The following PLXND1 variants were observed in gnomAD, a reference collection of about 807,000 sequenced individuals.
PLXND1 encodes plexin D1.
Under a neutral mutation model 197.7 loss-of-function variants are expected in PLXND1, and 54 were observed. That is an observed-to-expected ratio of 0.27 (90% CI 0.22 to 0.34). The LOEUF is 0.34. Among genes scored for constraint, PLXND1 ranks in the 10% least tolerant of loss-of-function variants. The pLI is 1.00. For synonymous variants in PLXND1, 1,180 were observed against 1,161.2 expected (o/e 1.02, Z -0.33); for missense variants, 2,127 against 2,699.2 (o/e 0.79, Z 4.70).
rs758414645 is a variant in PLXND1, at chr3:129,569,862, C to G, written c.3846G>C (p.Leu1282=). The change falls in exon 20 of 36, where the codon CTG becomes CTC. Residue 1282 remains leucine (L), a synonymous_variant. Coordinates refer to ENST00000324093, the MANE Select transcript of PLXND1 (RefSeq NM_015103.3). The part of the protein sequence containing the change: ...IIVSIVICSV[L]LLLSVVALFV... ...CCTTACCCACCACGGAGAGCAGCAG[C>G]AGGACGCTGCAGATGACGATGGACA... 3 of 1,605,152 alleles carry G rather than the reference C, an allele frequency of 1.9e-6. No individual in the cohort carries two copies. The highest frequency in any genetic ancestry group is 2.6e-6 in the Non-Finnish European group (3 of 1,171,966).
chr3:129,595,837 G>A (rs2085612273), intron 1 of PLXND1, among the ~76,000 whole-genome samples: 1 of 152,068 alleles, frequency 6.6e-6, no homozygotes, highest in East Asian at 1.9e-4. Flanking sequence ...CCCAGGCTTA[G>A]GTCACAAGCC....
chr3:129,560,595 G>T (rs1469309604), intron 30 of PLXND1, 94 bp downstream of exon 30: 1 of 1,071,682 alleles, frequency 9.3e-7, no homozygotes, highest in Non-Finnish European at 1.4e-6. Flanking sequence ...TCGCAGGGCT[G>T]GGAGCACTTT....
At chr3:129,571,383 TGAG>T (rs2085225480) in intron 17 of PLXND1, 80 bp from the exon 18 acceptor site, 11 of 1,554,444 alleles carry the variant, frequency 7.1e-6, no homozygotes, top group Non-Finnish European at 8.8e-6. Context: ...GAGTGGGGTT[TGAG>T]GAGACACAGA....
Position 129,563,052 on chromosome 3 carries a change from C to T in PLXND1, c.4668+42G>A, listed in dbSNP as rs368328960. Reference sequence around the variant, plus strand: ...AAGGCTGGGTCAATGCCGTTGGCGGCGACACAGCAGCCCTGGGACCCTCCC... The same window carrying T: ...AAGGCTGGGTCAATGCCGTTGGCGGTGACACAGCAGCCCTGGGACCCTCCC... On this transcript the variant is annotated intron_variant, in intron 26 of 35. Coordinates refer to ENST00000324093, the MANE Select transcript of PLXND1 (RefSeq NM_015103.3). The T allele has an allele frequency of 2.0e-4, 330 of 1,611,576 alleles. 1 individual carries two copies. The highest frequency in any genetic ancestry group is 1.6e-3 in the South Asian group (149 of 90,950).
At chr3:129,585,417 G>A (rs2085444952) in intron 5 of PLXND1, among the ~76,000 whole-genome samples, 2 of 152,244 alleles carry the variant, frequency 1.3e-5, no homozygotes, top group African/African-American at 4.8e-5. Flanking sequence ...GCCTGCCAGA[G>A]CCCTCCTGGC....
intron 20 of PLXND1, chr3:129,569,228 C>G (rs1446024119): frequency 6.8e-6 from 1 of 146,142 alleles, no homozygotes; most frequent in Non-Finnish European, 1.5e-5. Context: ...GTTTTGACTT[C>G]CTGGTTATTA....
At position 129,560,342 on chromosome 3, in the gene PLXND1, C is replaced by T. The variant is rs1432005315; in HGVS notation, c.5121G>A (p.Leu1707=). The T allele has an allele frequency of 6.2e-7, 1 of 1,609,138 alleles. No individual in the cohort carries two copies. Among genetic ancestry groups the T allele is most frequent in the South Asian group, 1.1e-5 (1 of 90,986 alleles). ...AGGCCGGACTCACCTTGGTGGAGAG[C>T]AGGCGGGTCAGGTAGATTTCCGGGA... ...KVLPEIYLTR[L]LSTKGTLQKF... is the part of the protein sequence containing the mutation. The change falls in exon 31 of 36, where the codon CTG becomes CTA. Residue 1707 remains leucine, a synonymous_variant. Coordinates refer to ENST00000324093, the MANE Select transcript of PLXND1 (RefSeq NM_015103.3).
In PLXND1 at chr3:129,575,859, T is replaced by G. The variant is rs1578330036; in HGVS notation, c.2347-4A>C. Reference sequence around the variant, plus strand: ...AACTACACTCCAGGGCTGCACCCTGTGGGAAACAGGGAGTGGGAGGCGGGT... The same window carrying G: ...AACTACACTCCAGGGCTGCACCCTGGGGGAAACAGGGAGTGGGAGGCGGGT... On this transcript the variant is annotated splice_polypyrimidine_tract_variant and splice_region_variant and intron_variant, in intron 9 of 35. Transcript: ENST00000324093. The G allele has an allele frequency of 6.2e-7, 1 of 1,601,440 alleles. No homozygotes were observed. The highest frequency in any genetic ancestry group is 8.6e-7 in the Non-Finnish European group (1 of 1,169,296).
chr3:129,587,994 C>T (rs2085485029), intron 2 of PLXND1, among the ~76,000 whole-genome samples: 1 of 152,238 alleles, frequency 6.6e-6, no homozygotes, highest in South Asian at 2.1e-4. Flanking sequence ...TCCAGGCGTC[C>T]AGTGGACACT....
chr3:129,603,995 G>A (rs2085747772), intron 1 of PLXND1, among the ~76,000 whole-genome samples: 1 of 152,138 alleles, frequency 6.6e-6, no homozygotes, highest in Non-Finnish European at 1.5e-5. Context: ...GAACTATGGG[G>A]ATCAACAGAC....
chr3:129,600,123 C>T (rs1200896294), intron 1 of PLXND1, among the ~76,000 whole-genome samples: 1 of 152,204 alleles, frequency 6.6e-6, no homozygotes, highest in Non-Finnish European at 1.5e-5. Flanking sequence ...CTCCTCAGCC[C>T]GGGCACTAGA....
intron 29 of PLXND1, 51 bp downstream of exon 29, chr3:129,561,595 G>A (rs372866979): frequency 3.7e-6 from 5 of 1,357,112 alleles, no homozygotes; most frequent in East Asian, 2.4e-5. Flanking sequence ...TGGGATGGAA[G>A]CCCCTGTCCA....
intron 2 of PLXND1, 40 bp downstream of exon 2, chr3:129,589,311 C>CG: frequency 2.2e-6 from 1 of 448,874 alleles, no homozygotes; most frequent in Non-Finnish European, 4.4e-6. Context: ...AGGGGAGCCT[C>CG]CCACCCCCAC....
rs1187971048 is a variant in PLXND1, at chr3:129,584,145, T to A, written c.2118A>T (p.Ala706=). The part of the protein sequence containing the change: ...NFTIYDCSRT[A]QVYPHTACTS... ...CTCACGCTGTGTGGGGGTACACTTG[T>A]GCAGTGCGGCTGCAGTCGTAGATGG... Residue 706 remains alanine (A), a synonymous_variant, in exon 7 of 36, where the codon GCA becomes GCT. Transcript: ENST00000324093. The A allele has an allele frequency of 1.3e-6, 2 of 1,563,982 alleles. No individual in the cohort carries two copies. The highest frequency in any genetic ancestry group is 2.7e-5 in the African/African-American group (2 of 74,064).
intron 35 of PLXND1, 63 bp downstream of exon 35, chr3:129,556,554 G>T: frequency 1.5e-6 from 2 of 1,359,238 alleles, no homozygotes; most frequent in Non-Finnish European, 2.1e-6. Flanking sequence ...ACCCTGAGAT[G>T]TGTGTCCTTG....
chr3:129,575,854 C>T lies in PLXND1; in HGVS notation c.2348G>A (p.Gly783Asp). The change falls in exon 10 of 36, where the codon GGT (glycine) becomes GAT (aspartate). Residue 783 changes from glycine (G) to aspartate (D), a missense_variant and splice_region_variant. By Grantham distance (94) the Gly-to-Asp change is moderately conservative. Transcript: ENST00000324093. ...CCCAAAACTACACTCCAGGGCTGCA[C>T]CCTGTGGGAAACAGGGAGTGGGAGG... ...VPLANTAFFQ[G>D]AALECSFGLE... The T allele has an allele frequency of 1.9e-6, 3 of 1,606,978 alleles. No individual in the cohort carries two copies. The South Asian group carries it at 3.3e-5, about 18-fold the overall frequency.
At chr3:129,590,997 T>A (rs1312551733) in intron 1 of PLXND1, among the ~76,000 whole-genome samples, 1 of 74,890 alleles carries the variant, frequency 1.3e-5, no homozygotes, top group Non-Finnish European at 2.6e-5. Context: ...CCACTGATGA[T>A]GTGCCTGCCT....
intron 8 of PLXND1, among the ~76,000 whole-genome samples, chr3:129,580,182 C>T (rs141524150): frequency 1.3e-5 from 2 of 152,186 alleles, no homozygotes; most frequent in Non-Finnish European, 1.5e-5. Context: ...TTGCTGACCA[C>T]GAGACCAGAG....
In PLXND1 at chr3:129,557,021, GC is replaced by G; in HGVS notation, c.5586+61del. The G allele has an allele frequency of 3.2e-6, 5 of 1,574,726 alleles. No homozygotes were observed. Among genetic ancestry groups the G allele is most frequent in the Non-Finnish European group, 2.6e-6 (3 of 1,155,794 alleles). On this transcript the variant is annotated intron_variant, in intron 34 of 35. Transcript: ENST00000324093. This position sits in a 1 kb window ranked among gnomAD's most constrained non-coding sequence, Gnocchi z 4.8. ...ACTCCAGTGGAGGCATTGAGGCCCA[GC>G]CCCCGACCCCCGATCCCTCAGCTCT...
Sources: allele counts gnomAD v4.1 joint callset (sites outside exome capture counted in the v4.1 genomes callset), GRCh38; gene constraint gnomAD v4.1.1; non-coding constraint Gnocchi (gnomAD v3.1); transcripts MANE v1.5; gene names NCBI Gene and HGNC (gene_info 2026-07-23, HGNC 2026-07-21).